GASK1A: variants seen among roughly 807,000 people sequenced by gnomAD.
GASK1A encodes golgi associated kinase 1A.
In GASK1A, 40 loss-of-function variants were observed where a neutral mutation model predicts 41.2. The ratio of observed to expected loss-of-function variants is 0.97; its 90% CI spans 0.75 to 1.27. GASK1A has a LOEUF of 1.27. Among genes scored for constraint, GASK1A ranks in the 50% most tolerant of loss-of-function variants. The probability of loss-of-function intolerance (pLI) is 0.00; values close to 1 mark genes in which losing one functional copy is unlikely to be tolerated. For missense variants in GASK1A, 678 were observed against 745.1 expected (o/e 0.91, Z 1.05); for synonymous variants, 316 against 307.1 (o/e 1.03, Z -0.30).
rs1430059368 is a variant in GASK1A at position 43,056,617 on chromosome 3, C to G, written c.*231C>G. The G allele has an allele frequency of 6.6e-6, 3 of 451,794 alleles. No homozygotes were observed. The highest frequency in any genetic ancestry group is 7.2e-5 in the Admixed American group (2 of 27,898). 28.0% of individuals were successfully genotyped at this position (451,794 alleles called of 1,614,324 possible). ...ATTCCCTTGCACCAACAAATACATT[C>G]GAAAATGTTCTGTGAGCTGCTCAAG... On this transcript the variant is annotated 3_prime_UTR_variant, in exon 5 of 5. Transcript: ENST00000430121.
At chr3:43,049,155 T>G (rs2089677159) in intron 2 of GASK1A, among the ~76,000 whole-genome samples, 2 of 152,168 alleles carry the variant, frequency 1.3e-5, no homozygotes, top group Admixed American at 1.3e-4. Context: ...CAGGGAAGAT[T>G]GATTCTCTTA....
In GASK1A at chr3:43,032,316, C is replaced by G. The variant is rs762588969; in HGVS notation, c.53C>G (p.Ala18Gly). Residue 18 changes from alanine (A) to glycine (G), a missense_variant, in exon 2 of 5, where the codon GCG (alanine) becomes GGG (glycine). By Grantham distance (60) the Ala-to-Gly change is moderately conservative. Coordinates refer to ENST00000430121, the MANE Select transcript of GASK1A (RefSeq NM_001129908.3). ...CGTGGCAAGAGGCGGCCAGTGATAG[C>G]GTTCTGCCTCTTGATGATCCTATCT... ...KLRGKRRPVIAFCLLMILSAM... is the reference protein window; with the variant it reads ...KLRGKRRPVIGFCLLMILSAM... 3.2e-6 allele frequency: 5 copies of G among 1,546,866 alleles called. No individual in the cohort carries two copies. In the African/African-American group the frequency reaches 6.9e-5, roughly 21 times the overall value.
At chr3:43,035,678 T>C (rs1452947336) in intron 2 of GASK1A, among the ~76,000 whole-genome samples, 1 of 152,200 alleles carries the variant, frequency 6.6e-6, no homozygotes, top group Non-Finnish European at 1.5e-5. Context: ...TGATCACGCA[T>C]AGTTTCTGGA....
At chr3:43,040,994 G>A (rs575521151) in intron 2 of GASK1A, among the ~76,000 whole-genome samples, 4 of 150,498 alleles carry the variant, frequency 2.7e-5, no homozygotes, top group African/African-American at 4.9e-5. Flanking sequence ...TTGTTCTTGC[G>A]ATAGTTTACT....
intron 2 of GASK1A, among the ~76,000 whole-genome samples, chr3:43,035,063 G>C (rs1443147219): frequency 6.6e-6 from 1 of 152,186 alleles, no homozygotes; most frequent in East Asian, 1.9e-4. Context: ...TGATGATCAA[G>C]AGCATGGGCC....
intron 1 of GASK1A, among the ~76,000 whole-genome samples, chr3:43,030,904 A>T (rs2125685946): frequency 6.6e-6 from 1 of 152,316 alleles, no homozygotes; most frequent in African/African-American, 2.4e-5. Context: ...TGTCCACTGC[A>T]GATCCCGGAT....
intron 2 of GASK1A, among the ~76,000 whole-genome samples, chr3:43,047,542 C>G (rs2089670124): frequency 6.6e-6 from 1 of 152,210 alleles, no homozygotes; most frequent in Admixed American, 6.5e-5. Flanking sequence ...ACGTCTTCCA[C>G]TGATTGCTGT....
chr3:42,991,310 G>A (rs2089339550), intron 1 of GASK1A, among the ~76,000 whole-genome samples: 1 of 152,016 alleles, frequency 6.6e-6, no homozygotes, highest in African/African-American at 2.4e-5. Flanking sequence ...CTGGCCAATC[G>A]GTCTTTTTCT....
chr3:42,988,666 G>C (rs576498715), intron 1 of GASK1A, among the ~76,000 whole-genome samples: 2 of 152,190 alleles, frequency 1.3e-5, no homozygotes, highest in African/African-American at 4.8e-5. Context: ...GCCATGCAGC[G>C]GGGCTCCCGG....
At chr3:43,013,041 G>A (rs2125680134) in intron 1 of GASK1A, among the ~76,000 whole-genome samples, 2 of 151,604 alleles carry the variant, frequency 1.3e-5, no homozygotes, top group East Asian at 2.0e-4. Context: ...TCACGGGAAT[G>A]AGCTGTGGGA....
At chr3:43,006,608 C>T (rs867885616) in intron 1 of GASK1A, among the ~76,000 whole-genome samples, 10 of 152,064 alleles carry the variant, frequency 6.6e-5, no homozygotes, top group African/African-American at 2.4e-4. Flanking sequence ...ATTTTTTTCT[C>T]CCTTTCTCTC....
Position 43,056,972 on chromosome 3 carries a change from A to C in GASK1A, c.*586A>C, listed in dbSNP as rs2089719375. 1 of 152,262 alleles carries C rather than the reference A, an allele frequency of 6.6e-6. No homozygotes were observed. Among genetic ancestry groups the C allele is most frequent in the Non-Finnish European group, 1.5e-5 (1 of 68,062 alleles). The allele number at this position is 152,262 out of a possible 1,614,324, so 9.4% of individuals were successfully genotyped here. On this transcript the variant is annotated 3_prime_UTR_variant, in exon 5 of 5. Transcript: ENST00000430121. ...TAAAAACAAGTCCATAAAAAATAGA[A>C]GCATATGACAAAAAGCATAAGTCCC...
chr3:43,053,372 AG>A, intron 2 of GASK1A, 148 bp from the exon 3 acceptor site: 1 of 849,150 alleles, frequency 1.2e-6, no homozygotes, highest in Admixed American at 2.9e-5. Context: ...AGCCCCATTT[AG>A]TAATGACCAG....
chr3:42,989,484 T>C (rs995651470), intron 1 of GASK1A, among the ~76,000 whole-genome samples: 49 of 152,240 alleles, frequency 3.2e-4, no homozygotes, highest in Admixed American at 3.2e-3. Flanking sequence ...GACCTAATTA[T>C]AGGGGAATGT....
At chr3:43,045,122 A>G (rs778514776) in intron 2 of GASK1A, among the ~76,000 whole-genome samples, 4 of 152,200 alleles carry the variant, frequency 2.6e-5, no homozygotes, top group Non-Finnish European at 5.9e-5. Flanking sequence ...TGACACATAT[A>G]GAATATGCTC....
intron 2 of GASK1A, among the ~76,000 whole-genome samples, chr3:43,035,807 A>G (rs907736194): frequency 5.9e-5 from 9 of 152,204 alleles, no homozygotes; most frequent in Admixed American, 2.0e-4. Flanking sequence ...ATGGCAACCT[A>G]TGAGTGAGAT....
intron 2 of GASK1A, among the ~76,000 whole-genome samples, chr3:43,039,828 G>A (rs1277129464): frequency 6.6e-6 from 1 of 152,148 alleles, no homozygotes; most frequent in African/African-American, 2.4e-5. Flanking sequence ...TAGGATTATG[G>A]CCTCCAGCTC....
At chr3:43,031,857 G>A (rs997146758) in intron 1 of GASK1A, among the ~76,000 whole-genome samples, 7 of 152,356 alleles carry the variant, frequency 4.6e-5, no homozygotes, top group African/African-American at 1.4e-4. Flanking sequence ...TGTGTGTGGG[G>A]ACATCAAGAG....
rs71072750 is a variant in GASK1A at position 42,987,998 on chromosome 3, CA to C, written c.3+8364del. Among the ~76,000 whole-genome samples, 167 of 68,444 alleles carry C rather than the reference CA, an allele frequency of 2.4e-3. 6 individuals are homozygous for C. The highest frequency in any genetic ancestry group is 3.9e-3 in the Non-Finnish European group (143 of 36,528). 44.9% of individuals were successfully genotyped at this position (68,444 alleles called of 152,430 possible). A position where few individuals can be genotyped will look rare whatever the true frequency, so the allele number is the denominator to read the frequency against. ...TCGGCGACAGAGCGAGACTCTAGCT[CA>C]AAAAAAAAAAGGGATGGGGGTAGGA... On this transcript the variant is annotated intron_variant, in intron 1 of 4. Coordinates refer to ENST00000430121, the MANE Select transcript of GASK1A (RefSeq NM_001129908.3).
Sources: gnomAD v4.1 joint callset for allele counts (sites outside exome capture counted in the v4.1 genomes callset) on GRCh38, gnomAD v4.1.1 for gene constraint, MANE v1.5 for transcripts, NCBI Gene and HGNC (gene_info 2026-07-23, HGNC 2026-07-21) for gene names.